Variants in CYP4Z1 observed in about 807,000 individuals in gnomAD.
The protein encoded by CYP4Z1 is cytochrome P450 4Z1.
Under a neutral mutation model 54.2 loss-of-function variants are expected in CYP4Z1, and 41 were observed. That is an observed-to-expected ratio of 0.76 (90% CI 0.59 to 0.98). The LOEUF (loss-of-function observed/expected upper bound fraction) is 0.98. CYP4Z1 is among the 50% of genes least tolerant of loss of function. The pLI is 0.00. For missense variants in CYP4Z1, 513 were observed against 599.0 expected (o/e 0.86, Z 1.50); for synonymous variants, 163 against 206.2 (o/e 0.79, Z 1.79).
chr1:47,098,843 A>T (rs1644699180), intron 7 of CYP4Z1, among the ~76,000 whole-genome samples: 1 of 152,246 alleles, frequency 6.6e-6, no homozygotes, highest in South Asian at 2.1e-4. Flanking sequence ...AAATTAATAA[A>T]TCATAAAATA....
chr1:47,101,199 A>G (rs1248628808), intron 8 of CYP4Z1, among the ~76,000 whole-genome samples: 1 of 152,076 alleles, frequency 6.6e-6, no homozygotes, highest in East Asian at 1.9e-4. Context: ...TCAAAAACCA[A>G]CTTTCATTTT....
chr1:47,112,537 C>T (rs1232549049), intron 9 of CYP4Z1, among the ~76,000 whole-genome samples: 1 of 151,868 alleles, frequency 6.6e-6, no homozygotes, highest in Non-Finnish European at 1.5e-5. Flanking sequence ...AAAAATTGAA[C>T]AAAAATATAT....
chr1:47,061,119 C>G, the CYP4Z1 span, among the ~76,000 whole-genome samples: 1 of 152,150 alleles, frequency 6.6e-6, no homozygotes, highest in Non-Finnish European at 1.5e-5. Flanking sequence ...AATTACCAAT[C>G]TAATACCACA....
chr1:47,055,834 C>A, the CYP4Z1 span, among the ~76,000 whole-genome samples: 1 of 151,948 alleles, frequency 6.6e-6, no homozygotes, highest in Admixed American at 6.6e-5. Flanking sequence ...GTCTTGCTAG[C>A]GGTCTATCAA....
intron 8 of CYP4Z1, among the ~76,000 whole-genome samples, chr1:47,103,122 C>A (rs142156541): frequency 6.1e-4 from 93 of 151,808 alleles, no homozygotes; most frequent in African/African-American, 2.1e-3. Flanking sequence ...ATTGTTGAAG[C>A]TTTCAAATGT....
At chr1:47,079,627 T>G (rs1179533203) in intron 2 of CYP4Z1, among the ~76,000 whole-genome samples, 1,812 of 145,384 alleles carry the variant, frequency 0.012, 3 homozygotes, top group African/African-American at 0.044. Flanking sequence ...ATGCCAGAAT[T>G]ATCTTCCAAC....
chr1:47,118,105 G>C lies in CYP4Z1; in HGVS notation c.*171G>C, dbSNP rs1644844240. The C allele has an allele frequency of 2.9e-6, 2 of 700,942 alleles. No individual in the cohort carries two copies. Among genetic ancestry groups the C allele is most frequent in the African/African-American group, 3.6e-5 (2 of 55,482 alleles). 43.4% of individuals were successfully genotyped at this position (700,942 alleles called of 1,614,324 possible). A position where few individuals can be genotyped will look rare whatever the true frequency, so the allele number is the denominator to read the frequency against. ...TAACAGTAATTTTAATTTCTTTGCT[G>C]TATCTGGTGAAACCCACAAAAACAC... On this transcript the variant is annotated 3_prime_UTR_variant, in exon 12 of 12. Coordinates refer to ENST00000334194, the MANE Select transcript of CYP4Z1 (RefSeq NM_178134.3).
rs1311824793 is a variant in CYP4Z1, at chr1:47,114,772, C to T, written c.1202-757C>T. 7.2e-5 allele frequency among the ~76,000 whole-genome samples: 11 copies of T among 152,172 alleles called. No individual in the cohort carries two copies. The South Asian group carries it at 1.0e-3, about 14-fold the overall frequency. ...TACCATCTCACACCAGTTAGAAAGGCGATCATTAAAAAGTCAGGAAACAAC... is the reference window on the plus strand; with the variant it reads ...TACCATCTCACACCAGTTAGAAAGGTGATCATTAAAAAGTCAGGAAACAAC... On this transcript the variant is annotated intron_variant, in intron 9 of 11. Coordinates refer to ENST00000334194, the MANE Select transcript of CYP4Z1 (RefSeq NM_178134.3).
rs1432686840 is a variant in CYP4Z1, at chr1:47,117,462, G to T, written c.1350-304G>T. ...CCACATTGGAATTTGTTTAAAACAT[G>T]GATCTTGGCTGGGTGCGGTGGCTCT... On this transcript the variant is annotated intron_variant, in intron 11 of 11. Transcript: ENST00000334194. 2.0e-5 allele frequency among the ~76,000 whole-genome samples: 3 copies of T among 152,168 alleles called. No individual in the cohort carries two copies. The East Asian group carries it at 5.8e-4, about 30-fold the overall frequency.
intron 2 of CYP4Z1, among the ~76,000 whole-genome samples, chr1:47,069,242 A>G (rs1644474717): frequency 6.6e-6 from 1 of 152,266 alleles, no homozygotes; most frequent in South Asian, 2.1e-4. Flanking sequence ...TCTGGTCCCT[A>G]GTGTGGGAAT....
upstream of CYP4Z1, among the ~76,000 whole-genome samples, chr1:47,067,026 T>TG (rs1180094932): frequency 6.6e-6 from 1 of 152,080 alleles, no homozygotes; most frequent in Admixed American, 6.6e-5. Flanking sequence ...GGGTGATATA[T>TG]GGGAACTCCC....
chr1:47,058,619 G>A, the CYP4Z1 span, among the ~76,000 whole-genome samples: 1 of 152,094 alleles, frequency 6.6e-6, no homozygotes, highest in African/African-American at 2.4e-5. Flanking sequence ...ACTGCAATGT[G>A]GACTCGCATT....
chr1:47,087,607 G>A (rs553337518), intron 6 of CYP4Z1, among the ~76,000 whole-genome samples: 9 of 152,214 alleles, frequency 5.9e-5, no homozygotes, highest in Non-Finnish European at 1.3e-4. Flanking sequence ...GACACAATGG[G>A]GTTTTCTAAA....
chr1:47,068,558 G>C (rs1238115538), intron 1 of CYP4Z1, 64 bp from the exon 2 acceptor site: 1 of 1,587,648 alleles, frequency 6.3e-7, no homozygotes, highest in Non-Finnish European at 8.6e-7. Flanking sequence ...TGGTCCATCC[G>C]AGGGAAAGGG....
intron 9 of CYP4Z1, among the ~76,000 whole-genome samples, chr1:47,106,594 G>A (rs1213954441): frequency 5.9e-5 from 9 of 152,140 alleles, no homozygotes; most frequent in Non-Finnish European, 1.5e-5. Context: ...AGAGAGAAGA[G>A]CAGACACAAA....
In CYP4Z1 at chr1:47,099,164, A is replaced by T. The variant is rs760233218; in HGVS notation, c.947A>T (p.His316Leu). The T allele has an allele frequency of 6.2e-7, 1 of 1,613,916 alleles. No homozygotes were observed. Among genetic ancestry groups the T allele is most frequent in the Non-Finnish European group, 8.5e-7 (1 of 1,179,960 alleles). ...AEVKTFMFAG[H>L]DTTSSAISWI... ...GTGAAAACGTTCATGTTTGCAGGACATGACACCACATCCAGTGCTATCTCC... is the reference window on the plus strand; with the variant it reads ...GTGAAAACGTTCATGTTTGCAGGACTTGACACCACATCCAGTGCTATCTCC... The change falls in exon 8 of 12, where the codon CAT becomes CTT. Residue 316 changes from histidine (H) to leucine (L), a missense_variant. His to Leu is a moderately conservative substitution (Grantham distance 99). Transcript: ENST00000334194.
At chr1:47,057,372 A>ATATG in the CYP4Z1 span, among the ~76,000 whole-genome samples, 2 of 118,448 alleles carry the variant, frequency 1.7e-5, no homozygotes, top group Admixed American at 9.3e-5. Context: ...ATATATATAT[A>ATATG]TATATGTATA....
rs34936674 is a variant in CYP4Z1 at position 47,106,271 on chromosome 1, C to CT, written c.1201+26dup. The CT allele has an allele frequency of 0.12, 174,750 of 1,491,058 alleles. 1,202 individuals are homozygous for CT. Among genetic ancestry groups the CT allele is most frequent in the Admixed American group, 0.18 (8,839 of 49,534 alleles). The allele number at this position is 1,491,058 out of a possible 1,614,324, so 92.4% of individuals were successfully genotyped here. On this transcript the variant is annotated intron_variant, in intron 9 of 11. Coordinates refer to ENST00000334194, the MANE Select transcript of CYP4Z1 (RefSeq NM_178134.3). ...CGCTCCTTACCTGCAGGTCTTAAAA[C>CT]TTTTTTTTTTTTTTTTAACAATGCA...
intron 6 of CYP4Z1, among the ~76,000 whole-genome samples, chr1:47,088,618 T>C (rs1343129047): frequency 6.8e-6 from 1 of 146,136 alleles, no homozygotes; most frequent in Non-Finnish European, 1.5e-5. Context: ...TTTTGTTTTT[T>C]GTTTTTGTTT....
Sources: allele counts gnomAD v4.1 joint callset (sites outside exome capture counted in the v4.1 genomes callset), GRCh38; gene constraint gnomAD v4.1.1; transcripts MANE v1.5; gene names NCBI Gene and HGNC (gene_info 2026-07-23, HGNC 2026-07-21).